SPON1: variants seen among roughly 807,000 people sequenced by gnomAD.
SPON1 encodes spondin 1, also known as spondin-1.
In SPON1, 52 loss-of-function variants were observed where a neutral mutation model predicts 111.7. That is an observed-to-expected ratio of 0.47 (90% CI 0.37 to 0.59). The LOEUF is 0.59. Ranked by LOEUF, SPON1 falls within the 20% of genes least tolerant of loss-of-function variation. The probability of loss-of-function intolerance (pLI) is 0.00; values close to 1 mark genes in which losing one functional copy is unlikely to be tolerated. For synonymous variants in SPON1, 410 were observed against 395.8 expected (o/e 1.04, Z -0.43); for missense variants, 957 against 1,068.5 (o/e 0.90, Z 1.46).
At chr11:14,162,348 T>C (rs1554931477) in intron 6 of SPON1, among the ~76,000 whole-genome samples, 1 of 152,180 alleles carries the variant, frequency 6.6e-6, no homozygotes, top group Non-Finnish European at 1.5e-5. Flanking sequence ...TTGATTACTA[T>C]AACCTAAAGA....
chr11:14,091,934 G>A (rs528386984), intron 5 of SPON1, among the ~76,000 whole-genome samples: 4 of 152,106 alleles, frequency 2.6e-5, no homozygotes, highest in Admixed American at 6.5e-5. Context: ...CGGGGCGGGG[G>A]AGGCCCCCAG....
At chr11:14,221,647 C>T (rs1162331811) in intron 6 of SPON1, among the ~76,000 whole-genome samples, 8 of 152,188 alleles carry the variant, frequency 5.3e-5, no homozygotes, top group Admixed American at 5.2e-4. Flanking sequence ...AATATGTCCT[C>T]CAAATCTCTT....
intron 2 of SPON1, among the ~76,000 whole-genome samples, chr11:13,983,653 C>G (rs544301057): frequency 6.6e-6 from 1 of 152,186 alleles, no homozygotes; most frequent in Non-Finnish European, 1.5e-5. Context: ...AACGTCATCC[C>G]CTTTCAGAGG....
intron 6 of SPON1, among the ~76,000 whole-genome samples, chr11:14,176,493 A>G (rs1848176712): frequency 6.6e-6 from 1 of 152,036 alleles, no homozygotes; most frequent in Admixed American, 6.6e-5. Flanking sequence ...GAGACACCCC[A>G]CAATGGAGCT....
At chr11:14,112,322 C>T (rs1564907868) in intron 5 of SPON1, among the ~76,000 whole-genome samples, 1 of 152,178 alleles carries the variant, frequency 6.6e-6, no homozygotes, top group South Asian at 2.1e-4. Flanking sequence ...GGAAGAACTG[C>T]ACAAGAGTTT....
At position 13,997,157 on chromosome 11, in the gene SPON1, T is replaced by C. The variant is rs76994717; in HGVS notation, c.345+14204T>C. Among the ~76,000 whole-genome samples the C allele has an allele frequency of 4.9e-3, 743 of 152,354 alleles. 6 individuals carry two copies. The highest frequency in any genetic ancestry group is 0.016 in the African/African-American group (673 of 41,578). On this transcript the variant is annotated intron_variant, in intron 2 of 15. Coordinates refer to ENST00000576479, the MANE Select transcript of SPON1 (RefSeq NM_006108.4). ...CATGTATATGTATATATGAGCTCTA[T>C]TTCTGGAGGCAGCCGTTTGGGTTTT...
intron 6 of SPON1, among the ~76,000 whole-genome samples, chr11:14,154,454 G>A (rs10766153): frequency 2.0e-4 from 30 of 152,148 alleles, no homozygotes; most frequent in Non-Finnish European, 3.4e-4. Flanking sequence ...TCTTGGCCCC[G>A]CTTAGCCATG....
intron 6 of SPON1, among the ~76,000 whole-genome samples, chr11:14,233,748 GTTTC>G (rs1848830052): frequency 7.4e-6 from 1 of 134,282 alleles, no homozygotes; most frequent in South Asian, 2.4e-4. Flanking sequence ...GTCCAACACT[GTTTC>G]TTTTTCTTTT....
chr11:14,262,808 A>C lies in SPON1; in HGVS notation c.2093A>C (p.Glu698Ala). The stretch of plus-strand genomic sequence containing the variant: ...ATTCGAACCCGGATGATCCAAATGG[A>C]GCCTCAGTTTGGAGGTGCACCCTGC... ...HVIRTRMIQM[E>A]PQFGGAPCPE... The change falls in exon 15 of 16, where the codon GAG becomes GCG. Residue 698 changes from glutamate (E) to alanine (A), a missense_variant. Physicochemically the swap from Glu to Ala is moderately radical, Grantham distance 107. Transcript: ENST00000576479. The C allele has an allele frequency of 6.2e-7, 1 of 1,613,930 alleles. No homozygotes were observed. Among genetic ancestry groups the C allele is most frequent in the Non-Finnish European group, 8.5e-7 (1 of 1,179,882 alleles).
intron 1 of SPON1, among the ~76,000 whole-genome samples, chr11:13,972,822 C>T (rs373640226): frequency 1.1e-3 from 171 of 152,244 alleles, no homozygotes; most frequent in African/African-American, 3.9e-3. Context: ...GTGATAGGAA[C>T]AAAGTCAACC....
rs1554909850 is a variant in SPON1 at position 13,982,854 on chromosome 11, T to G, written c.246T>G (p.Leu82=). The change falls in exon 2 of 16, where the codon CTT becomes CTG. Residue 82 remains leucine, a synonymous_variant. Transcript: ENST00000576479. Reference sequence around the variant, plus strand: ...TTTTTTCTCTCTCTGCAGTAACACTTTCAGCTGCTCCTCCCTCCTACTTCA... The same window carrying G: ...TTTTTTCTCTCTCTGCAGTAACACTGTCAGCTGCTCCTCCCTCCTACTTCA... ...YKPGTSYRVT[L]SAAPPSYFRG... is the part of the protein sequence containing the mutation. 6.4e-7 allele frequency: 1 copy of G among 1,556,138 alleles called. No homozygotes were observed. Among genetic ancestry groups the G allele is most frequent in the African/African-American group, 1.4e-5 (1 of 73,440 alleles).
intron 6 of SPON1, among the ~76,000 whole-genome samples, chr11:14,238,501 T>A (rs1591422824): frequency 6.6e-6 from 1 of 151,814 alleles, no homozygotes. Flanking sequence ...CAGAGGAGGG[T>A]CAGCGTGGGG....
chr11:14,146,331 G>A (rs1448698361), intron 6 of SPON1, among the ~76,000 whole-genome samples: 3 of 151,902 alleles, frequency 2.0e-5, no homozygotes, highest in African/African-American at 7.3e-5. Context: ...TACATTTTTA[G>A]TAGAGACGGG....
intron 6 of SPON1, among the ~76,000 whole-genome samples, chr11:14,162,612 A>G (rs1358557138): frequency 6.6e-6 from 1 of 152,186 alleles, no homozygotes; most frequent in African/African-American, 2.4e-5. Flanking sequence ...CTAATTATAC[A>G]TTATTTTCAG....
At chr11:13,983,511 T>C (rs1015307977) in intron 2 of SPON1, among the ~76,000 whole-genome samples, 2 of 152,174 alleles carry the variant, frequency 1.3e-5, no homozygotes, top group African/African-American at 4.8e-5. Flanking sequence ...AAGGGGAAGC[T>C]TCATTTGACT....
chr11:14,260,851 A>C, intron 14 of SPON1, 99 bp downstream of exon 14: 5 of 1,328,874 alleles, frequency 3.8e-6, no homozygotes, highest in Non-Finnish European at 4.1e-6. Flanking sequence ...CTAGAATAAC[A>C]TGGTTTGCTG....
At chr11:14,155,183 C>T (rs1847829556) in intron 6 of SPON1, among the ~76,000 whole-genome samples, 1 of 152,230 alleles carries the variant, frequency 6.6e-6, no homozygotes, top group Admixed American at 6.5e-5. Context: ...TTGTTCCAAC[C>T]TCTGCCCATT....
chr11:14,015,201 T>G (rs1295947242), intron 2 of SPON1, among the ~76,000 whole-genome samples: 3 of 152,240 alleles, frequency 2.0e-5, no homozygotes, highest in African/African-American at 4.8e-5. Context: ...CAGATTGGGT[T>G]ATTTATAAAG....
At position 14,228,392 on chromosome 11, in the gene SPON1, A is replaced by G. The variant is rs1226432298; in HGVS notation, c.826-14940A>G. On this transcript the variant is annotated intron_variant, in intron 6 of 15. Coordinates refer to ENST00000576479, the MANE Select transcript of SPON1 (RefSeq NM_006108.4). The surrounding 1 kb of genome is among the most constrained non-coding windows in gnomAD (Gnocchi z 4.2). Reference sequence around the variant, plus strand: ...GAGACCTGCATCAAGATTAGAGTGCAGGAAGTTACCAAAGAATGTTCTTGG... The same window carrying G: ...GAGACCTGCATCAAGATTAGAGTGCGGGAAGTTACCAAAGAATGTTCTTGG... Among the ~76,000 whole-genome samples the G allele has an allele frequency of 6.6e-5, 10 of 152,220 alleles. No homozygotes were observed. The highest frequency in any genetic ancestry group is 2.4e-4 in the African/African-American group (10 of 41,456).
Sources: gnomAD v4.1 joint callset for allele counts (sites outside exome capture counted in the v4.1 genomes callset) on GRCh38, gnomAD v4.1.1 for gene constraint, Gnocchi (gnomAD v3.1) non-coding constraint, MANE v1.5 for transcripts, NCBI Gene and HGNC (gene_info 2026-07-23, HGNC 2026-07-21) for gene names.